The following ATF2 variants were observed in gnomAD, a reference collection of about 807,000 sequenced individuals.
The protein encoded by ATF2 is cyclic AMP-dependent transcription factor ATF-2.
In ATF2, 24 loss-of-function variants were observed where a neutral mutation model predicts 60.6. The observed-to-expected ratio is 0.40, with a 90% CI of 0.29 to 0.56. The LOEUF (loss-of-function observed/expected upper bound fraction) is 0.56, where lower values mean the gene tolerates loss of function less well. Ranked by LOEUF, ATF2 falls within the 20% of genes least tolerant of loss-of-function variation. The pLI is 0.54. For synonymous variants in ATF2, 206 were observed against 215.4 expected (o/e 0.96, Z 0.38); for missense variants, 433 against 607.7 (o/e 0.71, Z 3.02).
chr2:175,094,403 G>GA (rs61440218), intron 11 of ATF2, among the ~76,000 whole-genome samples: 1,094 of 61,040 alleles, frequency 0.018, 37 homozygotes, highest in East Asian at 0.059. Context: ...CAAAAAATAC[G>GA]AAAAAAAAAA....
intron 4 of ATF2, among the ~76,000 whole-genome samples, chr2:175,122,409 T>A (rs1162544377): frequency 6.6e-6 from 1 of 151,960 alleles, no homozygotes; most frequent in African/African-American, 2.4e-5. Context: ...AGTTAACAGA[T>A]CTCAATTCAC....
intron 2 of ATF2, among the ~76,000 whole-genome samples, chr2:175,138,542 C>G (rs1446882840): frequency 6.6e-6 from 1 of 152,176 alleles, no homozygotes; most frequent in Non-Finnish European, 1.5e-5. Flanking sequence ...TCTAATCTGA[C>G]CTTCTAAATG....
intron 11 of ATF2, among the ~76,000 whole-genome samples, chr2:175,096,448 C>T (rs1019983729): frequency 6.6e-6 from 1 of 152,082 alleles, no homozygotes; most frequent in African/African-American, 2.4e-5. Flanking sequence ...TATTTATCTA[C>T]CTATTTCTCT....
At chr2:175,122,576 T>C (rs1697038835) in intron 4 of ATF2, among the ~76,000 whole-genome samples, 1 of 152,028 alleles carries the variant, frequency 6.6e-6, no homozygotes, top group Non-Finnish European at 1.5e-5. Context: ...AGGGTTACCT[T>C]AAACACAATG....
intron 7 of ATF2, among the ~76,000 whole-genome samples, chr2:175,116,043 G>GT (rs1435038504): frequency 1.3e-5 from 2 of 152,098 alleles, no homozygotes; most frequent in Non-Finnish European, 2.9e-5. Flanking sequence ...GAGGCATGAG[G>GT]TAAGGATAGA....
intron 10 of ATF2, among the ~76,000 whole-genome samples, chr2:175,099,779 A>C (rs1695186144): frequency 6.6e-6 from 1 of 152,250 alleles, no homozygotes; most frequent in East Asian, 1.9e-4. Flanking sequence ...AGCTAGTTCA[A>C]ATCCTGGATA....
chr2:175,098,103 T>C (rs1169644807), intron 10 of ATF2, among the ~76,000 whole-genome samples: 1 of 152,248 alleles, frequency 6.6e-6, no homozygotes, highest in Non-Finnish European at 1.5e-5. Context: ...AACTATTTTA[T>C]CTCCCAACCA....
chr2:175,098,307 GCA>G (rs1695081724), intron 10 of ATF2, among the ~76,000 whole-genome samples: 1 of 152,146 alleles, frequency 6.6e-6, no homozygotes, highest in Non-Finnish European at 1.5e-5. Context: ...GAAATAATTT[GCA>G]CAGATAATCA....
chr2:175,074,907 C>T, intron 13 of ATF2, 72 bp from the exon 14 acceptor site: 2 of 1,581,100 alleles, frequency 1.3e-6, no homozygotes, highest in Non-Finnish European at 1.7e-6. Context: ...TGAGGCAATA[C>T]ACAGAGTAAA....
intron 11 of ATF2, among the ~76,000 whole-genome samples, chr2:175,094,977 C>T (rs1440841033): frequency 6.6e-6 from 1 of 152,082 alleles, no homozygotes; most frequent in East Asian, 1.9e-4. Flanking sequence ...AAAGATTAAG[C>T]ATTTAAATTA....
rs1454403500 is a variant in ATF2, at chr2:175,072,627, T to C, written c.*1982A>G. On this transcript the variant is annotated 3_prime_UTR_variant, in exon 14 of 14. Transcript: ENST00000264110. ...TACTGAAGGACTTAAGAGTGAAAAA[T>C]TGAGGCTTTTCCTAACCCATTCAAA... 1 of 152,098 alleles carries C rather than the reference T, an allele frequency of 6.6e-6. No individual in the cohort carries two copies. The highest frequency in any genetic ancestry group is 2.4e-5 in the African/African-American group (1 of 41,444). The allele number at this position is 152,098 out of a possible 1,614,324, so 9.4% of individuals were successfully genotyped here. A position where few individuals can be genotyped will look rare whatever the true frequency, so the allele number is the denominator to read the frequency against.
At chr2:175,107,533 CTCTCCCTCTCCCCACGG>C (rs1695755957) in intron 10 of ATF2, among the ~76,000 whole-genome samples, 1 of 142,260 alleles carries the variant, frequency 7.0e-6, no homozygotes, top group Admixed American at 6.9e-5. Flanking sequence ...CTCCCTCTCC[CTCTCCCTCTCCCCACGG>C]TCTCCCTCTC....
chr2:175,134,398 A>C (rs1288528501), intron 3 of ATF2, among the ~76,000 whole-genome samples: 4 of 152,174 alleles, frequency 2.6e-5, no homozygotes, highest in Non-Finnish European at 5.9e-5. Context: ...TCTAAAAAAA[A>C]CGACTGATTT....
At chr2:175,107,032 G>A (rs1318073961) in intron 10 of ATF2, among the ~76,000 whole-genome samples, 1 of 152,024 alleles carries the variant, frequency 6.6e-6, no homozygotes, top group Non-Finnish European at 1.5e-5. Context: ...GGCTAAGGCA[G>A]GAGGATCACT....
intron 12 of ATF2, among the ~76,000 whole-genome samples, chr2:175,086,620 G>A (rs1694187494): frequency 1.3e-5 from 2 of 151,920 alleles, no homozygotes; most frequent in Admixed American, 1.3e-4. Context: ...TGTTGGCCAC[G>A]CTGGTCTTGA....
chr2:175,106,766 GC>G (rs1168274349), intron 10 of ATF2, among the ~76,000 whole-genome samples: 1 of 152,166 alleles, frequency 6.6e-6, no homozygotes, highest in Non-Finnish European at 1.5e-5. Context: ...AACCCTGGAG[GC>G]AGAGGTTGCA....
Position 175,104,046 on chromosome 2 carries a change from C to CTT in ATF2, c.829-6455_829-6454dup, listed in dbSNP as rs36010749. On this transcript the variant is annotated intron_variant, in intron 10 of 13. Coordinates refer to ENST00000264110, the MANE Select transcript of ATF2 (RefSeq NM_001880.4). ...AAAAAATACAAGCTTACTCTGAAGA[C>CTT]TTTTTTTTTTTTTTAGCAGAAAAGA... 5.6e-3 allele frequency among the ~76,000 whole-genome samples: 792 copies of CTT among 142,422 alleles called. 5 individuals carry two copies. The highest frequency in any genetic ancestry group is 0.019 in the African/African-American group (745 of 39,070). 93.4% of individuals were successfully genotyped at this position (142,422 alleles called of 152,430 possible). A position where few individuals can be genotyped will look rare whatever the true frequency, so the allele number is the denominator to read the frequency against.
intron 9 of ATF2, 130 bp from the exon 10 acceptor site, chr2:175,111,784 T>C: frequency 2.7e-6 from 2 of 743,616 alleles, no homozygotes; most frequent in South Asian, 4.3e-5. Context: ...GCTGATTTTA[T>C]CTCTATACCA....
chr2:175,152,860 T>A (rs1395229568), intron 1 of ATF2, among the ~76,000 whole-genome samples: 1 of 152,160 alleles, frequency 6.6e-6, no homozygotes, highest in Non-Finnish European at 1.5e-5. Context: ...AAAGGACAAA[T>A]GGCTCTGTGG....
Sources: allele counts gnomAD v4.1 joint callset (sites outside exome capture counted in the v4.1 genomes callset), GRCh38; gene constraint gnomAD v4.1.1; transcripts MANE v1.5; gene names NCBI Gene and HGNC (gene_info 2026-07-23, HGNC 2026-07-21).